The following PRDX4 variants were observed in gnomAD, a reference collection of about 807,000 sequenced individuals.
PRDX4 encodes peroxiredoxin 4.
In PRDX4, 12 loss-of-function variants were observed where a neutral mutation model predicts 20.5. That is an observed-to-expected ratio of 0.58 (90% CI 0.37 to 0.95). PRDX4 has a LOEUF of 0.95. PRDX4 is among the 40% of genes least tolerant of loss of function. The probability of loss-of-function intolerance (pLI) is 0.01; values close to 1 mark genes in which losing one functional copy is unlikely to be tolerated. For synonymous variants in PRDX4, 99 were observed against 87.5 expected (o/e 1.13, Z -0.73); for missense variants, 180 against 207.3 (o/e 0.87, Z 0.81).
intron 4 of PRDX4, among the ~76,000 whole-genome samples, chrX:23,681,957 C>T (rs1928077527): frequency 8.9e-6 from 1 of 111,971 alleles, no homozygotes; most frequent in African/African-American, 3.2e-5. Flanking sequence ...GAGAGGATCA[C>T]TTGAGCCCAA....
At chrX:23,669,372 T>C in intron 1 of PRDX4, among the ~76,000 whole-genome samples, 1 of 112,345 alleles carries the variant, frequency 8.9e-6, no homozygotes, top group South Asian at 3.6e-4. Context: ...AGGAAACAAA[T>C]CTACTTCAAA....
At chrX:23,672,959 G>T (rs1223624834) in intron 2 of PRDX4, among the ~76,000 whole-genome samples, 1 of 111,921 alleles carries the variant, frequency 8.9e-6, no homozygotes, top group African/African-American at 3.2e-5. Flanking sequence ...ATAAGAACTT[G>T]CTTCTTTCTA....
rs751252178 is a variant in PRDX4, at chrX:23,683,056, G to A, written c.730+530G>A. On this transcript the variant is annotated intron_variant, in intron 5 of 6. Coordinates refer to ENST00000379341, the MANE Select transcript of PRDX4 (RefSeq NM_006406.2). ...TGATGTAGTTTTCATTTGCCTCTTTGCATTATTGAATTTAGCCTTTTAAAT... is the reference window on the plus strand; with the variant it reads ...TGATGTAGTTTTCATTTGCCTCTTTACATTATTGAATTTAGCCTTTTAAAT... Among the ~76,000 whole-genome samples, 112 of 108,226 alleles carry A rather than the reference G, an allele frequency of 1.0e-3. No homozygotes were observed. In the South Asian group the frequency reaches 0.012, roughly 12 times the overall value. 94.0% of individuals were successfully genotyped at this position (108,226 alleles called of 115,157 possible). A position where few individuals can be genotyped will look rare whatever the true frequency, so the allele number is the denominator to read the frequency against.
At chrX:23,675,285 G>C in intron 3 of PRDX4, 179 bp downstream of exon 3, 1 of 923,524 alleles carries the variant, frequency 1.1e-6, no homozygotes, top group Non-Finnish European at 1.4e-6. Context: ...AGAGAGAAGA[G>C]TAATATAATC....
chrX:23,675,109 C>A lies in PRDX4; in HGVS notation c.476+3C>A. On this transcript the variant is annotated splice_donor_region_variant and intron_variant, in intron 3 of 6. Coordinates refer to ENST00000379341, the MANE Select transcript of PRDX4 (RefSeq NM_006406.2). Reference sequence around the variant, plus strand: ...TCACAGTTTACCCATTTGGCCTGGTCAGTATCTTACACTTATATTCGTAGA... The same window carrying A: ...TCACAGTTTACCCATTTGGCCTGGTAAGTATCTTACACTTATATTCGTAGA... 1.7e-6 allele frequency: 2 copies of A among 1,210,672 alleles called. No homozygotes were observed. Among genetic ancestry groups the A allele is most frequent in the Middle Eastern group, 2.3e-4 (1 of 4,349 alleles).
intron 4 of PRDX4, 64 bp downstream of exon 4, chrX:23,679,351 A>G (rs1226961341): frequency 4.8e-6 from 5 of 1,047,871 alleles, no homozygotes; most frequent in Non-Finnish European, 6.4e-6. Flanking sequence ...CTTGAAATAG[A>G]TGTTATTTAT....
At chrX:23,685,292 CA>C (rs1928161438) in intron 6 of PRDX4, among the ~76,000 whole-genome samples, 1 of 111,970 alleles carries the variant, frequency 8.9e-6, no homozygotes, top group South Asian at 3.7e-4. Flanking sequence ...GCTGCACCTC[CA>C]GGGGGAAGTG....
intron 2 of PRDX4, among the ~76,000 whole-genome samples, chrX:23,673,858 T>C (rs576656): frequency 0.39 from 41,913 of 108,216 alleles, 6,244 homozygotes; most frequent in Middle Eastern, 0.53. Context: ...CATCCGAGAT[T>C]AGAACTGTCT....
intron 2 of PRDX4, among the ~76,000 whole-genome samples, chrX:23,673,253 T>C (rs906543205): frequency 8.9e-6 from 1 of 112,573 alleles, no homozygotes; most frequent in Non-Finnish European, 1.9e-5. Flanking sequence ...AATGGTCTTC[T>C]GGGACAAGGA....
At chrX:23,682,924 A>C (rs1224771253) in intron 5 of PRDX4, among the ~76,000 whole-genome samples, 1 of 96,028 alleles carries the variant, frequency 1.0e-5, no homozygotes, top group Non-Finnish European at 2.0e-5. Context: ...AATATTCACT[A>C]TTTGCATAGT....
At chrX:23,684,412 T>A (rs903826029) in intron 6 of PRDX4, among the ~76,000 whole-genome samples, 2 of 111,780 alleles carry the variant, frequency 1.8e-5, no homozygotes, top group African/African-American at 6.5e-5. Flanking sequence ...AAAATCTAGC[T>A]CAATTAATAC....
At chrX:23,686,150 T>C in intron 6 of PRDX4, 135 bp from the exon 7 acceptor site, 1 of 469,066 alleles carries the variant, frequency 2.1e-6, no homozygotes, top group East Asian at 3.9e-5. Context: ...AGGACAAATC[T>C]CATTTTTTTC....
chrX:23,680,368 C>G (rs1207453928), intron 4 of PRDX4, among the ~76,000 whole-genome samples: 1 of 111,790 alleles, frequency 8.9e-6, no homozygotes, highest in African/African-American at 3.2e-5. Flanking sequence ...AAATATTTTA[C>G]CCAGACGCTC....
intron 1 of PRDX4, among the ~76,000 whole-genome samples, chrX:23,669,301 G>T (rs1180601327): frequency 9.0e-6 from 1 of 111,669 alleles, no homozygotes; most frequent in Non-Finnish European, 1.9e-5. Flanking sequence ...TACTTGCCTG[G>T]GAAAGTATTT....
At chrX:23,675,318 A>C (rs954627090) in intron 3 of PRDX4, 3 of 765,535 alleles carry the variant, frequency 3.9e-6, no homozygotes, top group Non-Finnish European at 5.4e-6. Flanking sequence ...AAAAATGCTT[A>C]AGGATTTTAT....
At chrX:23,683,935 C>A (rs1928134564) in intron 6 of PRDX4, among the ~76,000 whole-genome samples, 2 of 105,091 alleles carry the variant, frequency 1.9e-5, no homozygotes, top group Non-Finnish European at 3.9e-5. Context: ...GTAGTCCCAG[C>A]TACTCGGGAG....
Position 23,667,600 on chromosome X carries a change from A to G in PRDX4, c.30A>G (p.Thr10=). The G allele has an allele frequency of 8.4e-7, 1 of 1,192,830 alleles. No homozygotes were observed. The highest frequency in any genetic ancestry group is 1.1e-6 in the Non-Finnish European group (1 of 886,423). The change falls in exon 1 of 7, where the codon ACA becomes ACG. Residue 10 remains threonine (T), a synonymous_variant. Transcript: ENST00000379341. ...AGGCGCTGCCGCTGCTAGCCGCGAC[A>G]ACTCCGGACCACGGCCGCCACCGAA... The part of the protein sequence containing the change: MEALPLLAA[T]TPDHGRHRRL...
rs1569181994 is a variant in PRDX4 at position 23,667,699 on chromosome X, GC to G, written c.133del (p.Arg45GlyfsTer32). On this transcript the variant is annotated frameshift_variant, in exon 1 of 7. Coordinates refer to ENST00000379341, the MANE Select transcript of PRDX4 (RefSeq NM_006406.2). LOFTEE classifies it high-confidence loss of function. Reference sequence around the variant, plus strand: ...TGCAGGGCTGGGAGACAGAGGAGAGGCCCCGGACTCGCGAAGAGGAGTGCCA... The same window carrying G: ...TGCAGGGCTGGGAGACAGAGGAGAGGCCCGGACTCGCGAAGAGGAGTGCCA... ...AVQGWETEERPRTREEECHFY... is the reference protein window; with the variant it reads ...AVQGWETEERXRTREEECHFY... 8.3e-7 allele frequency: 1 copy of G among 1,211,552 alleles called. No individual in the cohort carries two copies. The highest frequency in any genetic ancestry group is 1.7e-5 in the African/African-American group (1 of 57,929).
In PRDX4 at chrX:23,679,148, C is replaced by T. The variant is rs754216427; in HGVS notation, c.477-17C>T. 1.8e-5 allele frequency: 22 copies of T among 1,201,130 alleles called. No individual in the cohort carries two copies. Among genetic ancestry groups the T allele is most frequent in the African/African-American group, 5.3e-5 (3 of 56,622 alleles). On this transcript the variant is annotated splice_polypyrimidine_tract_variant and intron_variant, in intron 3 of 6. Transcript: ENST00000379341. ...CGTTTACTTAGCTCTGAGAGGTAAGCGTTCTGTTTGTTACAGGATTAATAC... is the reference window on the plus strand; with the variant it reads ...CGTTTACTTAGCTCTGAGAGGTAAGTGTTCTGTTTGTTACAGGATTAATAC...
Sources: gnomAD v4.1 joint callset for allele counts (sites outside exome capture counted in the v4.1 genomes callset) on GRCh38, gnomAD v4.1.1 for gene constraint, MANE v1.5 for transcripts, NCBI Gene and HGNC (gene_info 2026-07-23, HGNC 2026-07-21) for gene names.